The following SEPTIN7 variants were observed in gnomAD, a reference collection of about 807,000 sequenced individuals.
The protein encoded by SEPTIN7 is septin 7, also known as septin-7.
In SEPTIN7, 10 loss-of-function variants were observed where a neutral mutation model predicts 63.3. The observed-to-expected ratio is 0.16, with a 90% CI of 0.10 to 0.27. The LOEUF is 0.27. SEPTIN7 is among the 10% of genes least tolerant of loss of function. SEPTIN7 has a pLI of 1.00. For synonymous variants in SEPTIN7, 131 were observed against 165.3 expected (o/e 0.79, Z 1.59); for missense variants, 310 against 521.0 (o/e 0.59, Z 3.94).
chr7:35,873,923 T>C, intron 6 of SEPTIN7, 148 bp downstream of exon 6: 3 of 700,364 alleles, frequency 4.3e-6, no homozygotes, highest in South Asian at 4.5e-5. Flanking sequence ...ATGTCTTAGT[T>C]GAAAAGCCAT....
At chr7:35,814,930 T>G (rs12667055) in intron 1 of SEPTIN7, among the ~76,000 whole-genome samples, 1,748 of 126,212 alleles carry the variant, frequency 0.014, 58 homozygotes, top group East Asian at 0.14. Flanking sequence ...AGCCGAGATC[T>G]CGCCACTGCA....
chr7:35,863,073 T>C (rs750034454), intron 3 of SEPTIN7, among the ~76,000 whole-genome samples: 29 of 152,258 alleles, frequency 1.9e-4, no homozygotes, highest in Non-Finnish European at 3.7e-4. Context: ...AAAGTATGTT[T>C]TGTGATTTAG....
At chr7:35,858,434 C>T (rs1056748545) in intron 3 of SEPTIN7, among the ~76,000 whole-genome samples, 13 of 152,132 alleles carry the variant, frequency 8.5e-5, no homozygotes, top group African/African-American at 2.9e-4. Context: ...TGGCTCACTG[C>T]AACCTCCGCC....
downstream of SEPTIN7, among the ~76,000 whole-genome samples, chr7:35,908,701 T>C (rs962029671): frequency 6.6e-6 from 1 of 152,134 alleles, no homozygotes; most frequent in African/African-American, 2.4e-5. Context: ...TTGTTCTCTC[T>C]TCGAGGTGGG....
At chr7:35,902,867 A>G in intron 12 of SEPTIN7, 4 of 556,804 alleles carry the variant, frequency 7.2e-6, no homozygotes, top group Middle Eastern at 1.1e-3. Context: ...GTTTCCCAAG[A>G]TTATTGTCTT....
At chr7:35,892,669 TG>T (rs1168559492) in intron 11 of SEPTIN7, among the ~76,000 whole-genome samples, 1 of 152,142 alleles carries the variant, frequency 6.6e-6, no homozygotes, top group Non-Finnish European at 1.5e-5. Flanking sequence ...AGATAATTCA[TG>T]GAAAAATAGA....
intron 2 of SEPTIN7, chr7:35,832,190 G>C (rs1211973611): frequency 4.6e-6 from 2 of 432,086 alleles, no homozygotes; most frequent in African/African-American, 4.1e-5. Flanking sequence ...GAAGATAAAG[G>C]CAGTAGGATC....
At chr7:35,880,203 CTTT>C (rs1299770800) in intron 7 of SEPTIN7, among the ~76,000 whole-genome samples, 14 of 90,488 alleles carry the variant, frequency 1.5e-4, no homozygotes, top group Admixed American at 2.0e-4. Context: ...TTTCTCTTTT[CTTT>C]TCTTTTTTTT....
intron 3 of SEPTIN7, among the ~76,000 whole-genome samples, chr7:35,855,764 C>T (rs1004893986): frequency 2.0e-5 from 3 of 152,112 alleles, no homozygotes; most frequent in African/African-American, 7.2e-5. Context: ...TGTAGCCTTA[C>T]ATAGGATTAG....
At chr7:35,837,464 CGTTATA>C (rs1370080757) in intron 3 of SEPTIN7, among the ~76,000 whole-genome samples, 42 of 152,108 alleles carry the variant, frequency 2.8e-4, no homozygotes, top group Middle Eastern at 3.4e-3. Flanking sequence ...ATAATAACAT[CGTTATA>C]GTTATACCTT....
At chr7:35,889,225 C>T (rs917515631) in intron 10 of SEPTIN7, among the ~76,000 whole-genome samples, 1 of 152,192 alleles carries the variant, frequency 6.6e-6, no homozygotes, top group African/African-American at 2.4e-5. Flanking sequence ...TCAGTGTCAG[C>T]CGCCAGATAT....
At chr7:35,895,815 A>G (rs550748013) in intron 11 of SEPTIN7, among the ~76,000 whole-genome samples, 4 of 152,016 alleles carry the variant, frequency 2.6e-5, no homozygotes, top group Non-Finnish European at 5.9e-5. Context: ...TTAAATGAAG[A>G]TATTTTTTTC....
chr7:35,864,665 C>CTAG (rs147180013), intron 4 of SEPTIN7, among the ~76,000 whole-genome samples: 1 of 51,526 alleles, frequency 1.9e-5, no homozygotes, highest in Non-Finnish European at 3.8e-5. Flanking sequence ...TTAAAAGTGG[C>CTAG]TAAGAAAATT....
chr7:35,911,418 A>G (rs1396775652), downstream of SEPTIN7, among the ~76,000 whole-genome samples: 4 of 138,796 alleles, frequency 2.9e-5, no homozygotes, highest in Non-Finnish European at 3.1e-5. Context: ...TCAAAAACCT[A>G]TTTGTAAACA....
At chr7:35,864,769 T>A (rs1026651600) in intron 4 of SEPTIN7, among the ~76,000 whole-genome samples, 2 of 152,178 alleles carry the variant, frequency 1.3e-5, no homozygotes, top group African/African-American at 4.8e-5. Context: ...TTATGTGATA[T>A]ATAGGACATG....
At chr7:35,915,246 AT>A in the SEPTIN7 span, among the ~76,000 whole-genome samples, 3 of 150,480 alleles carry the variant, frequency 2.0e-5, no homozygotes, top group Non-Finnish European at 4.4e-5. Flanking sequence ...TAAGGCACAG[AT>A]CGCTCATACA....
At chr7:35,862,495 C>CAA (rs1382320509) in intron 3 of SEPTIN7, among the ~76,000 whole-genome samples, 1 of 152,054 alleles carries the variant, frequency 6.6e-6, no homozygotes, top group Admixed American at 6.6e-5. Context: ...TTTCTGCTTT[C>CAA]AAGGTATAAG....
At chr7:35,860,144 T>A (rs1785428043) in intron 3 of SEPTIN7, among the ~76,000 whole-genome samples, 1 of 151,894 alleles carries the variant, frequency 6.6e-6, no homozygotes, top group Non-Finnish European at 1.5e-5. Context: ...TTATAGAAAT[T>A]TTCTTTGGTT....
At chr7:35,831,796 G>C (rs1333722789) in intron 2 of SEPTIN7, 1 of 243,798 alleles carries the variant, frequency 4.1e-6, no homozygotes, top group African/African-American at 2.4e-5. Flanking sequence ...TTAGCTACAT[G>C]ACTAGTAAAC....
Sources: allele counts gnomAD v4.1 joint callset (sites outside exome capture counted in the v4.1 genomes callset), GRCh38; gene constraint gnomAD v4.1.1; transcripts MANE v1.5; gene names NCBI Gene and HGNC (gene_info 2026-07-23, HGNC 2026-07-21).